PACSIN2: variants seen among roughly 807,000 people sequenced by gnomAD.
The protein encoded by PACSIN2 is protein kinase C and casein kinase substrate in neurons protein 2.
A neutral mutation model predicts 63.8 loss-of-function variants in PACSIN2; 25 were observed. The ratio of observed to expected loss-of-function variants is 0.39; its 90% CI spans 0.29 to 0.55. The LOEUF is 0.55. PACSIN2 is among the 20% of genes least tolerant of loss of function. The pLI is 0.62. For missense variants in PACSIN2, 518 were observed against 646.9 expected, an observed-to-expected ratio of 0.80 and a Z score of 2.16; for synonymous variants, 255 against 256.2, an observed-to-expected ratio of 1.00 and a Z score of 0.05.
chr22:42,911,870 T>C (rs1178721213), intron 2 of PACSIN2, 151 bp downstream of exon 2: 4 of 615,506 alleles, frequency 6.5e-6, no homozygotes, highest in Non-Finnish European at 1.1e-5. Flanking sequence ...GTCCAAACCT[T>C]TTCTGCTGCT....
intron 1 of PACSIN2, among the ~76,000 whole-genome samples, chr22:42,972,376 C>T (rs562056797): frequency 2.0e-4 from 31 of 152,268 alleles, no homozygotes; most frequent in Middle Eastern, 6.8e-3. Flanking sequence ...TGCGGAAGGC[C>T]GCAGGGTCCT....
Position 42,919,918 on chromosome 22 carries a change from C to A in PACSIN2, c.-77-7761G>T, listed in dbSNP as rs1299980007. Among the ~76,000 whole-genome samples the A allele has an allele frequency of 2.0e-5, 3 of 148,876 alleles. No homozygotes were observed. In the East Asian group the frequency reaches 5.9e-4, roughly 29 times the overall value. On this transcript the variant is annotated intron_variant, in intron 1 of 10. Transcript: ENST00000263246. ...GATCACTTGAGGCCACCCTGGGCAA[C>A]ACAGTGAGACCACCATCTCTAAAAA...
At chr22:42,966,846 C>A (rs977342568) in intron 1 of PACSIN2, among the ~76,000 whole-genome samples, 2 of 152,130 alleles carry the variant, frequency 1.3e-5, no homozygotes, top group African/African-American at 4.8e-5. Flanking sequence ...GGAATGTGAG[C>A]AAGGTTCCTG....
At chr22:42,943,802 GATA>G (rs1387869956) in intron 1 of PACSIN2, among the ~76,000 whole-genome samples, 1 of 152,064 alleles carries the variant, frequency 6.6e-6, no homozygotes, top group Non-Finnish European at 1.5e-5. Flanking sequence ...AGAAATTTGT[GATA>G]ATAAGGTATC....
chr22:42,916,206 G>A (rs1436965594), intron 1 of PACSIN2, among the ~76,000 whole-genome samples: 1 of 152,180 alleles, frequency 6.6e-6, no homozygotes, highest in Non-Finnish European at 1.5e-5. Flanking sequence ...ACCTCAATGG[G>A]AGCATTGTTC....
chr22:42,952,023 T>G (rs1291060183), intron 1 of PACSIN2, among the ~76,000 whole-genome samples: 2 of 152,196 alleles, frequency 1.3e-5, no homozygotes, highest in African/African-American at 4.8e-5. Flanking sequence ...ATTACCCTCT[T>G]CTTAAGAAAG....
At chr22:42,952,528 T>G (rs1385080385) in intron 1 of PACSIN2, among the ~76,000 whole-genome samples, 2 of 151,486 alleles carry the variant, frequency 1.3e-5, no homozygotes, top group African/African-American at 4.9e-5. Context: ...CTGGCTAATT[T>G]GTTTTGTATT....
intron 1 of PACSIN2, among the ~76,000 whole-genome samples, chr22:42,918,277 A>G (rs1569269068): frequency 1.3e-5 from 2 of 152,180 alleles, no homozygotes; most frequent in Non-Finnish European, 2.9e-5. Flanking sequence ...AAGCTATTTG[A>G]TGACTGAATT....
intron 1 of PACSIN2, among the ~76,000 whole-genome samples, chr22:42,917,436 A>T (rs1471160869): frequency 6.6e-6 from 1 of 152,170 alleles, no homozygotes; most frequent in Admixed American, 6.5e-5. Flanking sequence ...GTGAGATCCC[A>T]TCTCTACAAA....
At chr22:42,931,494 G>A (rs968271020) in intron 1 of PACSIN2, among the ~76,000 whole-genome samples, 10 of 152,196 alleles carry the variant, frequency 6.6e-5, no homozygotes, top group African/African-American at 2.2e-4. Context: ...AGAGACCTTA[G>A]GTGATGGGAA....
chr22:42,923,391 C>T (rs1213381937), intron 1 of PACSIN2, among the ~76,000 whole-genome samples: 7 of 152,170 alleles, frequency 4.6e-5, no homozygotes, highest in Admixed American at 1.3e-4. Flanking sequence ...CTCACCTCCA[C>T]TAAGCTACTT....
intron 1 of PACSIN2, among the ~76,000 whole-genome samples, chr22:42,932,309 G>C (rs749115048): frequency 6.6e-6 from 1 of 152,106 alleles, no homozygotes; most frequent in Non-Finnish European, 1.5e-5. Flanking sequence ...GCATCCCTTA[G>C]AGAATCTAGC....
At chr22:42,887,119 T>C (rs562145237) in intron 5 of PACSIN2, among the ~76,000 whole-genome samples, 3 of 152,296 alleles carry the variant, frequency 2.0e-5, no homozygotes, top group Non-Finnish European at 2.9e-5. Context: ...CACTCAGTAG[T>C]TGGTTCCAGG....
intron 1 of PACSIN2, among the ~76,000 whole-genome samples, chr22:43,004,717 A>G (rs1923981670): frequency 6.6e-6 from 1 of 152,254 alleles, no homozygotes; most frequent in Admixed American, 6.5e-5. Flanking sequence ...AGAAGATTTC[A>G]TTTCATTCAA....
chr22:42,888,605 G>A lies in PACSIN2; in HGVS notation c.609+38C>T, dbSNP rs368628142. The A allele has an allele frequency of 2.1e-5, 34 of 1,603,290 alleles. No homozygotes were observed. The African/African-American group carries it at 2.5e-4, about 12-fold the overall frequency. ...TGCCAGACACGTCAACAACTGACAC[G>A]GTGACACTCGACGTGTAAAAACAAG... On this transcript the variant is annotated intron_variant, in intron 5 of 10. Coordinates refer to ENST00000263246, the MANE Select transcript of PACSIN2 (RefSeq NM_001184970.3).
intron 1 of PACSIN2, among the ~76,000 whole-genome samples, chr22:42,974,162 C>T (rs548690037): frequency 2.0e-4 from 30 of 152,292 alleles, no homozygotes; most frequent in African/African-American, 6.7e-4. Flanking sequence ...TCCTTCCCTC[C>T]GTATCCCTAT....
intron 5 of PACSIN2, among the ~76,000 whole-genome samples, chr22:42,887,547 C>G (rs1040898777): frequency 6.6e-6 from 1 of 152,168 alleles, no homozygotes; most frequent in East Asian, 1.9e-4. Flanking sequence ...TTCCGTCTCT[C>G]TCTGCAAATC....
At chr22:42,905,338 CG>C (rs1569250514) in intron 2 of PACSIN2, among the ~76,000 whole-genome samples, 12 of 152,248 alleles carry the variant, frequency 7.9e-5, no homozygotes. Flanking sequence ...GCTGCAGAAA[CG>C]GTAAGTGTAG....
At chr22:42,958,470 T>C (rs552232064) in intron 1 of PACSIN2, among the ~76,000 whole-genome samples, 1 of 152,334 alleles carries the variant, frequency 6.6e-6, no homozygotes, top group South Asian at 2.1e-4. Flanking sequence ...CCTGTAAAAA[T>C]GCTTTGGTTT....
Sources: gnomAD v4.1 joint callset for allele counts (sites outside exome capture counted in the v4.1 genomes callset) on GRCh38, gnomAD v4.1.1 for gene constraint, MANE v1.5 for transcripts, NCBI Gene and HGNC (gene_info 2026-07-23, HGNC 2026-07-21) for gene names.